AHRR: variants seen among roughly 807,000 people sequenced by gnomAD.
AHRR encodes the protein aryl hydrocarbon receptor repressor, also known as ahR repressor.
A neutral mutation model predicts 44.0 loss-of-function variants in AHRR; 28 were observed. That is an observed-to-expected ratio of 0.64 (90% CI 0.47 to 0.87). The LOEUF is 0.87. AHRR is among the 40% of genes least tolerant of loss of function. AHRR has a pLI of 0.00. For missense variants in AHRR, 990 were observed against 953.9 expected (o/e 1.04, Z -0.50); for synonymous variants, 434 against 407.0 (o/e 1.07, Z -0.80).
intron 5 of AHRR, among the ~76,000 whole-genome samples, chr5:421,636 G>A (rs568323061): frequency 2.0e-4 from 31 of 152,328 alleles, no homozygotes; most frequent in African/African-American, 7.5e-4. Flanking sequence ...TTTTCACCTC[G>A]AGGGGTCTCT....
At chr5:343,867 T>C (rs760915854) in intron 1 of AHRR, 26 bp from the exon 2 acceptor site, 2 of 1,583,952 alleles carry the variant, frequency 1.3e-6, no homozygotes, top group African/African-American at 2.8e-5. Flanking sequence ...CGCGTTCCGG[T>C]GACCGGGTGC....
At position 377,227 on chromosome 5, in the gene AHRR, T is replaced by C. The variant is rs980614531; in HGVS notation, c.351+511T>C. Among the ~76,000 whole-genome samples the C allele has an allele frequency of 3.0e-4, 45 of 152,128 alleles. 1 individual carries two copies. The highest frequency in any genetic ancestry group is 1.1e-3 in the African/African-American group (45 of 41,422). On this transcript the variant is annotated intron_variant, in intron 4 of 10. Coordinates refer to ENST00000684583, the MANE Select transcript of AHRR (RefSeq NM_001377236.1). ...ATCCCTGCGACTCTGAAGTGCTGAG[T>C]TGTCCTGTGCTGTAACGCGGGGCCT...
intron 4 of AHRR, among the ~76,000 whole-genome samples, chr5:385,677 A>G (rs749762335): frequency 6.6e-6 from 1 of 152,020 alleles, no homozygotes; most frequent in Non-Finnish European, 1.5e-5. Context: ...TTTATCTTTA[A>G]TTTTAATTTT....
chr5:329,439 C>T (rs1741838701), intron 1 of AHRR, among the ~76,000 whole-genome samples: 1 of 152,230 alleles, frequency 6.6e-6, no homozygotes, highest in African/African-American at 2.4e-5. Flanking sequence ...CTCCTGGCCT[C>T]AAGCAGTCTT....
chr5:335,573 A>C (rs1742092065), intron 1 of AHRR, among the ~76,000 whole-genome samples: 1 of 152,204 alleles, frequency 6.6e-6, no homozygotes, highest in Non-Finnish European at 1.5e-5. Flanking sequence ...CCCTGAGTGC[A>C]TGCACCAACT....
intron 2 of AHRR, among the ~76,000 whole-genome samples, chr5:350,470 C>T (rs1239374768): frequency 6.6e-6 from 1 of 152,214 alleles, no homozygotes; most frequent in Non-Finnish European, 1.5e-5. Context: ...TGCACGCCCT[C>T]AGGGCTTCTA....
intron 1 of AHRR, 46 bp from the exon 2 acceptor site, chr5:343,847 G>A: frequency 1.3e-6 from 2 of 1,559,690 alleles, no homozygotes; most frequent in Middle Eastern, 3.7e-4. Context: ...CGGGAACAGG[G>A]CGCACGTGGC....
intron 1 of AHRR, among the ~76,000 whole-genome samples, chr5:323,644 C>G (rs1420564381): frequency 6.6e-6 from 1 of 152,222 alleles, no homozygotes; most frequent in African/African-American, 2.4e-5. Context: ...TTAACAGGGT[C>G]TTCCCACCTC....
At chr5:390,985 G>T (rs1234262456) in intron 4 of AHRR, among the ~76,000 whole-genome samples, 1 of 152,218 alleles carries the variant, frequency 6.6e-6, no homozygotes, top group Non-Finnish European at 1.5e-5. Context: ...TCTGGGTGGG[G>T]ATGGGAGCCC....
intron 4 of AHRR, among the ~76,000 whole-genome samples, chr5:398,856 C>G (rs1258274064): frequency 6.6e-6 from 1 of 152,182 alleles, no homozygotes; most frequent in East Asian, 1.9e-4. Flanking sequence ...GCCCTGGCTC[C>G]AGCAGCCGCC....
rs758841738 is a variant in AHRR, at chr5:326,075, G to A, written c.-11+4256G>A. Reference sequence around the variant, plus strand: ...TGGGATTACAGGCGTGAGCCACTGCGGCCGGCCTCTTTGTATTTTCTCGTT... The same window carrying A: ...TGGGATTACAGGCGTGAGCCACTGCAGCCGGCCTCTTTGTATTTTCTCGTT... On this transcript the variant is annotated intron_variant, in intron 1 of 10. Transcript: ENST00000684583. This position sits in a 1 kb window ranked among gnomAD's most constrained non-coding sequence, Gnocchi z 4.1. Among the ~76,000 whole-genome samples, 8 of 152,186 alleles carry A rather than the reference G, an allele frequency of 5.3e-5. No homozygotes were observed. The highest frequency in any genetic ancestry group is 9.7e-5 in the African/African-American group (4 of 41,440).
intron 7 of AHRR, among the ~76,000 whole-genome samples, chr5:426,898 T>A (rs1736434200): frequency 6.7e-6 from 1 of 148,962 alleles, no homozygotes; most frequent in South Asian, 2.1e-4. Context: ...GGTGGCTGGG[T>A]AGATGAATGT....
chr5:363,372 C>T (rs978328579), intron 3 of AHRR, among the ~76,000 whole-genome samples: 1 of 152,204 alleles, frequency 6.6e-6, no homozygotes, highest in Admixed American at 6.5e-5. Context: ...CTGGCCAACT[C>T]AGGAGGTGTA....
intron 10 of AHRR, 35 bp downstream of exon 10, chr5:432,982 C>A (rs1736808256): frequency 6.5e-7 from 1 of 1,549,932 alleles, no homozygotes; most frequent in Non-Finnish European, 8.7e-7. Flanking sequence ...CCAGCCCTGG[C>A]AGCTCCCTAA....
At chr5:331,340 A>C (rs1212647212) in intron 1 of AHRR, among the ~76,000 whole-genome samples, 1 of 152,116 alleles carries the variant, frequency 6.6e-6, no homozygotes, top group Admixed American at 6.5e-5. Flanking sequence ...GTGAGCATAT[A>C]GTTGTTCATA....
chr5:404,451 G>T lies in AHRR; in HGVS notation c.352-8893G>T, dbSNP rs964443287. On this transcript the variant is annotated intron_variant, in intron 4 of 10. Coordinates refer to ENST00000684583, the MANE Select transcript of AHRR (RefSeq NM_001377236.1). The surrounding 1 kb of genome is among the most constrained non-coding windows in gnomAD (Gnocchi z 4.1). ...AGCAACAGGGGACCACTGTGCTGGT[G>T]CTGTCGTGCACGGTGTGTTCACCAA... 5.6e-6 allele frequency: 3 copies of T among 532,608 alleles called. No homozygotes were observed. Among genetic ancestry groups the T allele is most frequent in the Non-Finnish European group, 1.1e-5 (3 of 261,848 alleles). The allele number at this position is 532,608 out of a possible 1,614,324, so 33.0% of individuals were successfully genotyped here.
At chr5:386,051 A>G (rs1003416208) in intron 4 of AHRR, among the ~76,000 whole-genome samples, 2 of 151,944 alleles carry the variant, frequency 1.3e-5, no homozygotes, top group African/African-American at 4.8e-5. Context: ...CTAAAATTTC[A>G]ATTTCATTCT....
At chr5:334,883 AT>A (rs1210907812) in intron 1 of AHRR, among the ~76,000 whole-genome samples, 3 of 146,146 alleles carry the variant, frequency 2.1e-5, no homozygotes, top group Non-Finnish European at 1.5e-5. Context: ...TGTGACTGGG[AT>A]GTTGGTTGGG....
chr5:427,592 G>A lies in AHRR; in HGVS notation c.709-215G>A, dbSNP rs200355252. 4.8e-3 allele frequency: 7,697 copies of A among 1,608,198 alleles called. 51 individuals are homozygous for A. The highest frequency in any genetic ancestry group is 0.019 in the South Asian group (1,768 of 90,918). ...CGCGGCTCCAGAGAAACTGGGAGTG[G>A]GGGATGGTTTCAGGATGATTCAAGC... On this transcript the variant is annotated intron_variant, in intron 7 of 10. Coordinates refer to ENST00000684583, the MANE Select transcript of AHRR (RefSeq NM_001377236.1).
Sources: allele counts gnomAD v4.1 joint callset (sites outside exome capture counted in the v4.1 genomes callset), GRCh38; gene constraint gnomAD v4.1.1; non-coding constraint Gnocchi (gnomAD v3.1); transcripts MANE v1.5; gene names NCBI Gene and HGNC (gene_info 2026-07-23, HGNC 2026-07-21).